Variants in DDAH1 observed in about 807,000 individuals in gnomAD.
The protein encoded by DDAH1 is N(G),N(G)-dimethylarginine dimethylaminohydrolase 1.
A neutral mutation model predicts 28.8 loss-of-function variants in DDAH1; 19 were observed. The ratio of observed to expected loss-of-function variants is 0.66; its 90% CI spans 0.46 to 0.97. DDAH1 has a LOEUF of 0.97. Among genes scored for constraint, DDAH1 ranks in the 50% least tolerant of loss-of-function variants. The probability of loss-of-function intolerance (pLI) is 0.00; values close to 1 mark genes in which losing one functional copy is unlikely to be tolerated. For missense variants in DDAH1, 326 were observed against 375.9 expected, an observed-to-expected ratio of 0.87 and a Z score of 1.10; for synonymous variants, 153 against 154.4, an observed-to-expected ratio of 0.99 and a Z score of 0.07.
intron 4 of DDAH1, among the ~76,000 whole-genome samples, chr1:85,331,419 A>ATGTG (rs2100801656): frequency 8.2e-6 from 1 of 121,824 alleles, no homozygotes; most frequent in African/African-American, 2.7e-5. Context: ...TTATATTCAT[A>ATGTG]TATGTATATA....
intron 2 of DDAH1, chr1:85,495,456 T>A (rs748829497): frequency 3.3e-5 from 5 of 152,172 alleles, no homozygotes; most frequent in Non-Finnish European, 1.5e-5. Context: ...CAGATGTAAT[T>A]GTTGAAAATT....
chr1:85,569,016 T>A (rs1270734375), intron 1 of DDAH1, among the ~76,000 whole-genome samples: 2 of 152,206 alleles, frequency 1.3e-5, no homozygotes, highest in East Asian at 3.8e-4. Context: ...CAAACCCTAG[T>A]ATGGTACGAT....
intron 1 of DDAH1, among the ~76,000 whole-genome samples, chr1:85,439,966 T>C (rs757763616): frequency 1.1e-4 from 16 of 152,234 alleles, no homozygotes; most frequent in African/African-American, 1.7e-4. Flanking sequence ...TGATGTGTCA[T>C]AGTTCTACAT....
chr1:85,557,987 C>T (rs1202013954), intron 1 of DDAH1, among the ~76,000 whole-genome samples: 1 of 152,028 alleles, frequency 6.6e-6, no homozygotes, highest in Admixed American at 6.5e-5. Context: ...TCTGTTATGG[C>T]GGCCCTAGCA....
intron 4 of DDAH1, among the ~76,000 whole-genome samples, chr1:85,332,592 C>T (rs923498240): frequency 6.6e-6 from 1 of 152,118 alleles, no homozygotes; most frequent in Non-Finnish European, 1.5e-5. Flanking sequence ...ATAGGCCTGC[C>T]TGGCCTGGCA....
intron 1 of DDAH1, among the ~76,000 whole-genome samples, chr1:85,502,187 G>A (rs1656842977): frequency 6.6e-6 from 1 of 152,150 alleles, no homozygotes; most frequent in Admixed American, 6.5e-5. Context: ...ACTCTTTGAA[G>A]ACACGGACAA....
At position 85,389,247 on chromosome 1, in the gene DDAH1, A is replaced by G. The variant is rs544546654; in HGVS notation, c.304-30400T>C. Among the ~76,000 whole-genome samples, 16 of 152,306 alleles carry G rather than the reference A, an allele frequency of 1.1e-4. No homozygotes were observed. The South Asian group carries it at 2.1e-3, about 20-fold the overall frequency. Reference sequence around the variant, plus strand: ...AGATCCTGTCTCAAAACAAACAAACAAACAAACAAAAACAAACTGGAAAAA... The same window carrying G: ...AGATCCTGTCTCAAAACAAACAAACGAACAAACAAAAACAAACTGGAAAAA... On this transcript the variant is annotated intron_variant, in intron 1 of 5. Transcript: ENST00000284031.
chr1:85,331,147 A>G (rs766520778), intron 4 of DDAH1, among the ~76,000 whole-genome samples: 4 of 152,222 alleles, frequency 2.6e-5, no homozygotes, highest in Non-Finnish European at 5.9e-5. Context: ...AAGTTGCATT[A>G]ACAACCAGGC....
intron 1 of DDAH1, among the ~76,000 whole-genome samples, chr1:85,448,456 C>T (rs1295641372): frequency 6.6e-6 from 1 of 152,170 alleles, no homozygotes; most frequent in African/African-American, 2.4e-5. Flanking sequence ...TTCATTTCCT[C>T]CTTGTACCAC....
At chr1:85,355,993 C>T (rs1407712205) in intron 2 of DDAH1, among the ~76,000 whole-genome samples, 1 of 152,112 alleles carries the variant, frequency 6.6e-6, no homozygotes, top group Non-Finnish European at 1.5e-5. Flanking sequence ...ACTCAAAGAA[C>T]AACAAAGCAA....
At chr1:85,554,058 T>C (rs992885456) in intron 1 of DDAH1, among the ~76,000 whole-genome samples, 5 of 152,250 alleles carry the variant, frequency 3.3e-5, no homozygotes, top group African/African-American at 1.2e-4. Flanking sequence ...ACTCATTTGT[T>C]AAATGTTAGC....
chr1:85,383,048 C>G (rs1651075292), intron 1 of DDAH1, among the ~76,000 whole-genome samples: 1 of 152,156 alleles, frequency 6.6e-6, no homozygotes, highest in Non-Finnish European at 1.5e-5. Flanking sequence ...ATTCTGCCAC[C>G]CATAAATCAA....
intron 1 of DDAH1, among the ~76,000 whole-genome samples, chr1:85,504,087 G>A (rs1656923383): frequency 6.6e-6 from 1 of 152,234 alleles, no homozygotes; most frequent in Non-Finnish European, 1.5e-5. Flanking sequence ...TTTGGCTGCA[G>A]CGTAGGCTGC....
intron 1 of DDAH1, among the ~76,000 whole-genome samples, chr1:85,449,678 C>A: frequency 6.6e-6 from 1 of 152,050 alleles, no homozygotes. Flanking sequence ...GTGTATAACA[C>A]TGGAAGGGGT....
At chr1:85,371,530 A>G (rs542053102) in intron 1 of DDAH1, among the ~76,000 whole-genome samples, 1 of 152,320 alleles carries the variant, frequency 6.6e-6, no homozygotes, top group East Asian at 1.9e-4. Flanking sequence ...CCATACCAGT[A>G]GCATAAGATT....
chr1:85,550,655 C>G (rs1042212387), intron 1 of DDAH1, among the ~76,000 whole-genome samples: 11 of 152,072 alleles, frequency 7.2e-5, no homozygotes, highest in Admixed American at 1.3e-4. Context: ...AAAATTAAGT[C>G]AAACATTTTA....
At chr1:85,353,640 G>C (rs1649345961) in intron 2 of DDAH1, among the ~76,000 whole-genome samples, 2 of 151,970 alleles carry the variant, frequency 1.3e-5, no homozygotes, top group Admixed American at 6.6e-5. Context: ...TTATTAAATA[G>C]TCAGCTACAA....
chr1:85,382,939 A>T (rs1278254287), intron 1 of DDAH1, among the ~76,000 whole-genome samples: 1 of 152,246 alleles, frequency 6.6e-6, no homozygotes, highest in East Asian at 1.9e-4. Flanking sequence ...TGCTTTCAAA[A>T]TATTACTGCT....
At chr1:85,433,932 ATTAT>A (rs1356851840) in intron 1 of DDAH1, among the ~76,000 whole-genome samples, 1 of 152,158 alleles carries the variant, frequency 6.6e-6, no homozygotes, top group Non-Finnish European at 1.5e-5. Flanking sequence ...TCTTCAGGTA[ATTAT>A]TTATGTTACT....
Sources: gnomAD v4.1 joint callset for allele counts (sites outside exome capture counted in the v4.1 genomes callset) on GRCh38, gnomAD v4.1.1 for gene constraint, MANE v1.5 for transcripts, NCBI Gene and HGNC (gene_info 2026-07-23, HGNC 2026-07-21) for gene names.